CACNG3: variants seen among roughly 807,000 people sequenced by gnomAD.
CACNG3 encodes calcium voltage-gated channel auxiliary subunit gamma 3.
In CACNG3, 3 loss-of-function variants were observed where a neutral mutation model predicts 28.5. The observed-to-expected ratio is 0.11, with a 90% CI of 0.05 to 0.27. The LOEUF (loss-of-function observed/expected upper bound fraction) is 0.27, where lower values mean the gene tolerates loss of function less well. Among genes scored for constraint, CACNG3 ranks in the 10% least tolerant of loss-of-function variants. The pLI is 1.00. For missense variants in CACNG3, 236 were observed against 414.4 expected, an observed-to-expected ratio of 0.57 and a Z score of 3.74; for synonymous variants, 174 against 162.2, an observed-to-expected ratio of 1.07 and a Z score of -0.55.
At chr16:24,277,579 A>G (rs1898768550) in intron 1 of CACNG3, among the ~76,000 whole-genome samples, 1 of 152,154 alleles carries the variant, frequency 6.6e-6, no homozygotes, top group Non-Finnish European at 1.5e-5. Context: ...GTTCGAGACC[A>G]GGCTGGCCGA....
chr16:24,353,102 A>G (rs1449978886), intron 2 of CACNG3, among the ~76,000 whole-genome samples: 1 of 152,152 alleles, frequency 6.6e-6, no homozygotes, highest in Non-Finnish European at 1.5e-5. Context: ...CAGCCTCTCA[A>G]GTAGCTGAGA....
At chr16:24,298,152 G>A (rs374492867) in intron 1 of CACNG3, among the ~76,000 whole-genome samples, 5 of 152,120 alleles carry the variant, frequency 3.3e-5, no homozygotes, top group African/African-American at 1.2e-4. Context: ...ACCCCTTCAA[G>A]TAAGTATATT....
chr16:24,293,600 C>A (rs558696080), intron 1 of CACNG3, among the ~76,000 whole-genome samples: 3 of 152,058 alleles, frequency 2.0e-5, no homozygotes, highest in Non-Finnish European at 2.9e-5. Flanking sequence ...CAATAGAACC[C>A]GCCCTCATTT....
chr16:24,257,011 T>C (rs2141341482), intron 1 of CACNG3, 46 bp downstream of exon 1: 1 of 1,193,594 alleles, frequency 8.4e-7, no homozygotes, highest in Non-Finnish European at 1.3e-6. Flanking sequence ...CCAGTTCTGA[T>C]ATTCTGGTGG....
At chr16:24,327,535 G>A (rs547188505) in intron 1 of CACNG3, among the ~76,000 whole-genome samples, 9 of 146,966 alleles carry the variant, frequency 6.1e-5, no homozygotes, top group Middle Eastern at 3.4e-3. Flanking sequence ...TGGGGGGATC[G>A]TTTGAGCTCA....
rs57918697 is a variant in CACNG3 at position 24,327,126 on chromosome 16, C to CAAAAAAAAA, written c.212-19589_212-19581dup. Among the ~76,000 whole-genome samples, 7 of 35,830 alleles carry CAAAAAAAAA rather than the reference C, an allele frequency of 2.0e-4. 1 individual carries two copies. The highest frequency in any genetic ancestry group is 5.3e-4 in the African/African-American group (4 of 7,550). The allele number at this position is 35,830 out of a possible 152,430, so 23.5% of individuals were successfully genotyped here. On this transcript the variant is annotated intron_variant, in intron 1 of 3. Coordinates refer to ENST00000005284, the MANE Select transcript of CACNG3 (RefSeq NM_006539.4). Reference sequence around the variant, plus strand: ...AGTGGCCAAGGCAGGGGCTCCAAACCAAAAAAAAAAAAAAAAAAAAAAAAA... The same window carrying CAAAAAAAAA: ...AGTGGCCAAGGCAGGGGCTCCAAACCAAAAAAAAAAAAAAAAAAAAAAAAAAAAAAAAAA...
intron 1 of CACNG3, among the ~76,000 whole-genome samples, chr16:24,342,266 T>A (rs1175771818): frequency 6.6e-6 from 1 of 152,092 alleles, no homozygotes. Flanking sequence ...AGACTCCATC[T>A]CAAAATAAAA....
intron 1 of CACNG3, among the ~76,000 whole-genome samples, chr16:24,310,042 G>A (rs1196677810): frequency 1.3e-5 from 2 of 152,202 alleles, no homozygotes; most frequent in African/African-American, 2.4e-5. Context: ...AGAAAGAAAT[G>A]AGCAAGACCA....
intron 1 of CACNG3, among the ~76,000 whole-genome samples, chr16:24,315,396 C>A (rs1299168264): frequency 6.6e-6 from 1 of 151,956 alleles, no homozygotes; most frequent in Non-Finnish European, 1.5e-5. Flanking sequence ...TGATTACCAC[C>A]CTCAACCTCA....
intron 1 of CACNG3, among the ~76,000 whole-genome samples, chr16:24,262,002 GC>G (rs1392468661): frequency 6.6e-6 from 1 of 152,150 alleles, no homozygotes; most frequent in Non-Finnish European, 1.5e-5. Flanking sequence ...TGTGCTAGGT[GC>G]TTTTGTACAT....
rs531983714 is a variant in CACNG3 at position 24,261,298 on chromosome 16, G to A, written c.211+4333G>A. Among the ~76,000 whole-genome samples, 18 of 152,306 alleles carry A rather than the reference G, an allele frequency of 1.2e-4. 1 individual carries two copies. In the South Asian group the frequency reaches 3.5e-3, roughly 30 times the overall value. ...AACTCGGTCTCAGTGTGGGGCAATA[G>A]GGAGTGGTGAGGACTGTGGCAAACT... On this transcript the variant is annotated intron_variant, in intron 1 of 3. Transcript: ENST00000005284.
At chr16:24,316,036 T>C (rs1596639770) in intron 1 of CACNG3, among the ~76,000 whole-genome samples, 3 of 152,108 alleles carry the variant, frequency 2.0e-5, no homozygotes, top group African/African-American at 7.2e-5. Flanking sequence ...AGATATTGTC[T>C]CATTTAATGC....
At chr16:24,353,785 G>A (rs1375073086) in intron 2 of CACNG3, among the ~76,000 whole-genome samples, 1 of 152,236 alleles carries the variant, frequency 6.6e-6, no homozygotes, top group African/African-American at 2.4e-5. Context: ...CTATGCAAAT[G>A]TAGATGCGTG....
intron 1 of CACNG3, among the ~76,000 whole-genome samples, chr16:24,304,133 C>T (rs1273892964): frequency 1.3e-5 from 2 of 152,098 alleles, no homozygotes; most frequent in African/African-American, 4.8e-5. Flanking sequence ...CAAACTAAAA[C>T]ACGTGTTTTG....
intron 1 of CACNG3, among the ~76,000 whole-genome samples, chr16:24,257,252 A>G (rs1898471312): frequency 6.7e-6 from 1 of 148,310 alleles, no homozygotes; most frequent in Non-Finnish European, 1.5e-5. Flanking sequence ...CCCTAGGCAT[A>G]TTGTCAACTG....
At chr16:24,284,387 C>T (rs1254834659) in intron 1 of CACNG3, among the ~76,000 whole-genome samples, 1 of 152,126 alleles carries the variant, frequency 6.6e-6, no homozygotes, top group Non-Finnish European at 1.5e-5. Flanking sequence ...TCTTATTTGC[C>T]TATTTTGAGC....
chr16:24,316,302 C>T (rs1033898536), intron 1 of CACNG3, among the ~76,000 whole-genome samples: 18 of 150,702 alleles, frequency 1.2e-4, no homozygotes, highest in South Asian at 2.1e-4. Context: ...TCCCCATTGT[C>T]GGAGCTATGC....
intron 1 of CACNG3, among the ~76,000 whole-genome samples, chr16:24,312,791 C>T (rs1899280927): frequency 6.6e-6 from 1 of 151,086 alleles, no homozygotes; most frequent in African/African-American, 2.4e-5. Flanking sequence ...GTACTCCAGC[C>T]CTGGACCACA....
At chr16:24,294,482 C>G (rs1227530349) in intron 1 of CACNG3, among the ~76,000 whole-genome samples, 1 of 152,120 alleles carries the variant, frequency 6.6e-6, no homozygotes, top group Non-Finnish European at 1.5e-5. Flanking sequence ...CCAGGGGATG[C>G]TTGGCAAGGA....
Sources: gnomAD v4.1 joint callset for allele counts (sites outside exome capture counted in the v4.1 genomes callset) on GRCh38, gnomAD v4.1.1 for gene constraint, MANE v1.5 for transcripts, NCBI Gene and HGNC (gene_info 2026-07-23, HGNC 2026-07-21) for gene names.